INPP5A: variants seen among roughly 807,000 people sequenced by gnomAD.
INPP5A encodes 43 kDa inositol polyphosphate 5-phophatase.
A neutral mutation model predicts 65.2 loss-of-function variants in INPP5A; 14 were observed. The ratio of observed to expected loss-of-function variants is 0.21; its 90% CI spans 0.14 to 0.34. The LOEUF is 0.34. Among genes scored for constraint, INPP5A ranks in the 10% least tolerant of loss-of-function variants. The pLI, the probability that INPP5A is intolerant of heterozygous loss-of-function variation, is 1.00. For synonymous variants in INPP5A, 207 were observed against 208.3 expected (o/e 0.99, Z 0.05); for missense variants, 431 against 545.6 (o/e 0.79, Z 2.09).
chr10:132,765,969 C>G (rs1846834866), intron 12 of INPP5A, 123 bp downstream of exon 12: 1 of 693,544 alleles, frequency 1.4e-6, no homozygotes, highest in Non-Finnish European at 2.7e-6. Context: ...TGTGTGCATT[C>G]TGTGTGCATC....
At chr10:132,756,862 C>T (rs964695241) in intron 11 of INPP5A, among the ~76,000 whole-genome samples, 6 of 152,334 alleles carry the variant, frequency 3.9e-5, no homozygotes, top group African/African-American at 7.2e-5. Context: ...GACGCAGAGG[C>T]GGCAGAGAGG....
In INPP5A at chr10:132,543,124, G is replaced by A. The variant is rs539278423; in HGVS notation, c.75+4953G>A. Among the ~76,000 whole-genome samples, 6 of 152,208 alleles carry A rather than the reference G, an allele frequency of 3.9e-5. No individual in the cohort carries two copies. The South Asian group carries it at 1.2e-3, about 32-fold the overall frequency. ...ACACCCAGCCCTTTCTCCCATATGA[G>A]GTGTACAATTCACTGGTTTTCAGTA... On this transcript the variant is annotated intron_variant, in intron 1 of 15. Coordinates refer to ENST00000368594, the MANE Select transcript of INPP5A (RefSeq NM_005539.5).
rs571371911 is a variant in INPP5A at position 132,713,167 on chromosome 10, T to G, written c.647+2711T>G. Among the ~76,000 whole-genome samples, 626 of 151,708 alleles carry G rather than the reference T, an allele frequency of 4.1e-3. 8 individuals are homozygous for G. The highest frequency in any genetic ancestry group is 2.9e-3 in the Non-Finnish European group (196 of 67,898). On this transcript the variant is annotated intron_variant, in intron 8 of 15. Transcript: ENST00000368594. ...GTGCATGTGTATGTGTGTGTGCGGGTGTGTGTGCATTTGTGGGTATGTGCA... is the reference window on the plus strand; with the variant it reads ...GTGCATGTGTATGTGTGTGTGCGGGGGTGTGTGCATTTGTGGGTATGTGCA...
At chr10:132,712,862 G>A (rs968147861) in intron 8 of INPP5A, among the ~76,000 whole-genome samples, 12 of 150,224 alleles carry the variant, frequency 8.0e-5, no homozygotes, top group East Asian at 4.0e-4. Context: ...GTGGGGGTAC[G>A]TGTCGATGTG....
intron 1 of INPP5A, among the ~76,000 whole-genome samples, chr10:132,569,751 G>A (rs1228020162): frequency 3.7e-4 from 49 of 133,348 alleles, no homozygotes; most frequent in Admixed American, 6.1e-4. Flanking sequence ...TGATCCACTC[G>A]CCTCAGCCTC....
rs1223547857 is a variant in INPP5A at position 132,633,907 on chromosome 10, A to G, written c.118-11961A>G. ...CTTTCCGTGCCCAGCACCCACGCTC[A>G]GCTGTGAAGCTCGTGGCCAGTTCTG... On this transcript the variant is annotated intron_variant, in intron 2 of 15. Coordinates refer to ENST00000368594, the MANE Select transcript of INPP5A (RefSeq NM_005539.5). Among the ~76,000 whole-genome samples the G allele has an allele frequency of 3.3e-5, 5 of 152,380 alleles. No individual in the cohort carries two copies. In the South Asian group the frequency reaches 6.2e-4, roughly 19 times the overall value.
intron 1 of INPP5A, among the ~76,000 whole-genome samples, chr10:132,590,991 G>A (rs1024792111): frequency 1.3e-5 from 2 of 152,230 alleles, no homozygotes; most frequent in Non-Finnish European, 2.9e-5. Context: ...GGCCCAGGCT[G>A]CTGTCACAGG....
intron 11 of INPP5A, among the ~76,000 whole-genome samples, chr10:132,759,175 G>A (rs1302703515): frequency 2.6e-5 from 4 of 152,206 alleles, no homozygotes; most frequent in African/African-American, 4.8e-5. Flanking sequence ...CCGTCCACAC[G>A]CTCAGAGCCC....
Position 132,596,957 on chromosome 10 carries a change from A to ACACGTGTGTGCGTGTGTGCACGCG in INPP5A, c.76-10958_76-10957insCACGTGTGTGCGTGTGTGCACGCG, listed in dbSNP as rs1554932718. 2.5e-3 allele frequency among the ~76,000 whole-genome samples: 298 copies of ACACGTGTGTGCGTGTGTGCACGCG among 119,414 alleles called. 1 individual carries two copies. The highest frequency in any genetic ancestry group is 9.1e-3 in the African/African-American group (283 of 31,162). 78.3% of individuals were successfully genotyped at this position (119,414 alleles called of 152,430 possible). ...CACGCATGTGTGCGTGTGTGCACAC[A>ACACGTGTGTGCGTGTGTGCACGCG]TGTGTGCGTGTGTGCATGCGTGTGT... On this transcript the variant is annotated intron_variant, in intron 1 of 15. Coordinates refer to ENST00000368594, the MANE Select transcript of INPP5A (RefSeq NM_005539.5).
chr10:132,751,976 C>A (rs75889886), intron 11 of INPP5A, among the ~76,000 whole-genome samples: 1 of 46,836 alleles, frequency 2.1e-5, no homozygotes, highest in Admixed American at 2.7e-4. Flanking sequence ...GTGCACAGGA[C>A]GTGTCTGGGT....
chr10:132,779,545 T>G (rs1198259371), intron 13 of INPP5A, among the ~76,000 whole-genome samples: 5 of 152,230 alleles, frequency 3.3e-5, no homozygotes, highest in African/African-American at 9.6e-5. Context: ...CAGCCCGTTT[T>G]CCATTCACTC....
chr10:132,765,298 G>A (rs1171114580), intron 11 of INPP5A, among the ~76,000 whole-genome samples: 2 of 152,196 alleles, frequency 1.3e-5, no homozygotes, highest in Admixed American at 6.5e-5. Context: ...TTTTGCCCCC[G>A]AACTGCTGCC....
intron 2 of INPP5A, among the ~76,000 whole-genome samples, chr10:132,617,397 G>A (rs2072052514): frequency 6.6e-6 from 1 of 152,180 alleles, no homozygotes; most frequent in Non-Finnish European, 1.5e-5. Flanking sequence ...GGGACGAGAG[G>A]AAGGGATGTC....
chr10:132,663,941 A>G lies in INPP5A; in HGVS notation c.306+13436A>G, dbSNP rs1331101365. The stretch of plus-strand genomic sequence containing the variant: ...GCAGCCGATCCATCAGGCGGCCGAC[A>G]GGCGTGATCGAGTGCCGTGTCACAC... On this transcript the variant is annotated intron_variant, in intron 4 of 15. Coordinates refer to ENST00000368594, the MANE Select transcript of INPP5A (RefSeq NM_005539.5). This position sits in a 1 kb window ranked among gnomAD's most constrained non-coding sequence, Gnocchi z 4.5. 1.3e-5 allele frequency among the ~76,000 whole-genome samples: 2 copies of G among 152,258 alleles called. No individual in the cohort carries two copies. Among genetic ancestry groups the G allele is most frequent in the Non-Finnish European group, 2.9e-5 (2 of 68,042 alleles).
At chr10:132,736,873 GGTGAA>G (rs1417770747) in intron 9 of INPP5A, among the ~76,000 whole-genome samples, 1 of 152,236 alleles carries the variant, frequency 6.6e-6, no homozygotes, top group Non-Finnish European at 1.5e-5. Context: ...CCAGGCTCCA[GGTGAA>G]GTTGTGACCT....
intron 4 of INPP5A, among the ~76,000 whole-genome samples, chr10:132,657,447 G>GCC (rs1344320258): frequency 6.6e-6 from 1 of 152,224 alleles, no homozygotes; most frequent in Non-Finnish European, 1.5e-5. Context: ...GGGCACAGAT[G>GCC]CCCTTTGCAA....
chr10:132,770,088 G>T (rs566342701), intron 12 of INPP5A, among the ~76,000 whole-genome samples: 106 of 152,308 alleles, frequency 7.0e-4, no homozygotes, highest in African/African-American at 2.4e-3. Flanking sequence ...GGCGAGGGCG[G>T]CGCCTCTGGA....
chr10:132,696,259 C>A (rs1845342435), intron 5 of INPP5A, among the ~76,000 whole-genome samples: 1 of 152,204 alleles, frequency 6.6e-6, no homozygotes, highest in African/African-American at 2.4e-5. Context: ...TCAGCTCTTC[C>A]CAACTTCAGC....
intron 4 of INPP5A, among the ~76,000 whole-genome samples, chr10:132,685,681 C>T (rs61862805): frequency 6.6e-6 from 1 of 152,206 alleles, no homozygotes; most frequent in South Asian, 2.1e-4. Flanking sequence ...TGAGTCATCC[C>T]GAGCCTTCCA....
Sources: gnomAD v4.1 joint callset for allele counts (sites outside exome capture counted in the v4.1 genomes callset) on GRCh38, gnomAD v4.1.1 for gene constraint, Gnocchi (gnomAD v3.1) non-coding constraint, MANE v1.5 for transcripts, NCBI Gene and HGNC (gene_info 2026-07-23, HGNC 2026-07-21) for gene names.